CHST9: variants seen among roughly 807,000 people sequenced by gnomAD.
CHST9 encodes carbohydrate sulfotransferase 9.
A neutral mutation model predicts 44.4 loss-of-function variants in CHST9; 41 were observed. That is an observed-to-expected ratio of 0.92 (90% CI 0.72 to 1.20). The LOEUF (loss-of-function observed/expected upper bound fraction) is 1.20, where lower values mean the gene tolerates loss of function less well. Among genes scored for constraint, CHST9 ranks in the 50% most tolerant of loss-of-function variants. CHST9 has a pLI of 0.00. For missense variants in CHST9, 504 were observed against 516.5 expected (o/e 0.98, Z 0.23); for synonymous variants, 171 against 178.4 (o/e 0.96, Z 0.33).
intron 2 of CHST9, among the ~76,000 whole-genome samples, chr18:27,109,283 T>C (rs555956501): frequency 8.5e-4 from 127 of 149,224 alleles, no homozygotes; most frequent in African/African-American, 3.0e-3. Flanking sequence ...CACCAGCACC[T>C]TTTTTTTTTC....
chr18:26,992,613 AT>A (rs2056833593), intron 4 of CHST9, among the ~76,000 whole-genome samples: 1 of 151,968 alleles, frequency 6.6e-6, no homozygotes, highest in East Asian at 1.9e-4. Context: ...TTGCTTTGAA[AT>A]TCTTTCTTTT....
chr18:27,048,415 T>C, intron 3 of CHST9, 50 bp downstream of exon 3: 1 of 1,467,566 alleles, frequency 6.8e-7, no homozygotes, highest in Non-Finnish European at 9.4e-7. Flanking sequence ...AATTTAAAGG[T>C]GGAAATAAAA....
chr18:27,096,631 T>C (rs1382169985), intron 2 of CHST9, among the ~76,000 whole-genome samples: 1 of 151,500 alleles, frequency 6.6e-6, no homozygotes, highest in African/African-American at 2.4e-5. Flanking sequence ...ATACAAAAGA[T>C]CCGTAGAGAG....
At chr18:27,170,750 G>C in intron 1 of CHST9, among the ~76,000 whole-genome samples, 1 of 152,168 alleles carries the variant, frequency 6.6e-6, no homozygotes, top group East Asian at 1.9e-4. Context: ...ACCACTAACT[G>C]TCAAGCATAC....
rs376326847 is a variant in CHST9, at chr18:27,083,075, G to A, written c.122-34572C>T. Among the ~76,000 whole-genome samples the A allele has an allele frequency of 3.3e-4, 50 of 152,210 alleles. No homozygotes were observed. The South Asian group carries it at 0.01, about 31-fold the overall frequency. On this transcript the variant is annotated intron_variant, in intron 2 of 5. Transcript: ENST00000618847. ...ATATAATCCATGTGAAGAGATAGCC[G>A]TAAGGAAAGGTAATACATTTAATCT...
chr18:27,144,259 A>G (rs2058593797), intron 1 of CHST9, among the ~76,000 whole-genome samples: 2 of 152,210 alleles, frequency 1.3e-5, no homozygotes, highest in African/African-American at 4.8e-5. Context: ...ATATTTGAGG[A>G]GAGTCTTTGA....
At chr18:26,993,943 C>A (rs144511034) in intron 4 of CHST9, among the ~76,000 whole-genome samples, 114 of 152,316 alleles carry the variant, frequency 7.5e-4, no homozygotes, top group African/African-American at 2.7e-3. Context: ...CATTCTGGGG[C>A]CTCTCTCCTC....
At chr18:26,950,768 C>T (rs1019326524) in intron 4 of CHST9, among the ~76,000 whole-genome samples, 2 of 152,092 alleles carry the variant, frequency 1.3e-5, no homozygotes, top group African/African-American at 2.4e-5. Flanking sequence ...TATGGGGTAC[C>T]GTGCACACTG....
intron 2 of CHST9, among the ~76,000 whole-genome samples, chr18:27,053,766 C>T (rs2057616934): frequency 6.6e-6 from 1 of 152,152 alleles, no homozygotes; most frequent in Non-Finnish European, 1.5e-5. Flanking sequence ...TACACCTTCA[C>T]CCCAGTTCCC....
intron 4 of CHST9, among the ~76,000 whole-genome samples, chr18:26,990,874 CCTT>C (rs1400825267): frequency 1.3e-5 from 2 of 152,212 alleles, no homozygotes; most frequent in African/African-American, 4.8e-5. Flanking sequence ...TTCCCTTCCT[CCTT>C]CTGCTCTTCA....
chr18:26,921,924 T>A (rs141208907), intron 5 of CHST9, among the ~76,000 whole-genome samples: 4 of 152,362 alleles, frequency 2.6e-5, no homozygotes, highest in African/African-American at 9.6e-5. Context: ...AAATTGGCTA[T>A]TTTACATCTC....
intron 2 of CHST9, among the ~76,000 whole-genome samples, chr18:27,116,369 A>G (rs546756704): frequency 5.9e-5 from 9 of 152,310 alleles, no homozygotes; most frequent in Admixed American, 5.9e-4. Context: ...TTTGTTAAAA[A>G]TACTATTCTT....
chr18:26,955,821 G>A (rs987288340), intron 4 of CHST9, among the ~76,000 whole-genome samples: 2 of 152,074 alleles, frequency 1.3e-5, no homozygotes, highest in Non-Finnish European at 2.9e-5. Flanking sequence ...GGGCCTGAAG[G>A]GTAAAGCAAG....
intron 2 of CHST9, among the ~76,000 whole-genome samples, chr18:27,132,063 A>T (rs2058476491): frequency 6.6e-6 from 1 of 152,138 alleles, no homozygotes; most frequent in South Asian, 2.1e-4. Flanking sequence ...GGGGCCACTT[A>T]CTAAAGGCAT....
intron 2 of CHST9, among the ~76,000 whole-genome samples, chr18:27,129,045 A>G (rs573967660): frequency 1.3e-5 from 2 of 152,342 alleles, no homozygotes; most frequent in African/African-American, 4.8e-5. Flanking sequence ...AAACCCAGGC[A>G]GAATCATGCA....
chr18:26,917,426 T>C, intron 5 of CHST9, 76 bp from the exon 6 acceptor site: 1 of 1,483,492 alleles, frequency 6.7e-7, no homozygotes, highest in Non-Finnish European at 9.0e-7. Flanking sequence ...ACTTCACATA[T>C]TTGTTTTAAA....
chr18:27,036,765 C>T (rs887806942), intron 3 of CHST9, among the ~76,000 whole-genome samples: 1 of 152,130 alleles, frequency 6.6e-6, no homozygotes, highest in Non-Finnish European at 1.5e-5. Context: ...TAGAAAGAGA[C>T]TATTTTTTTT....
In CHST9 at chr18:27,042,301, A is replaced by C. The variant is rs113492904; in HGVS notation, c.160+6164T>G. 2.3e-3 allele frequency among the ~76,000 whole-genome samples: 356 copies of C among 151,886 alleles called. 3 individuals carry two copies. The highest frequency in any genetic ancestry group is 8.3e-3 in the African/African-American group (341 of 41,236). ...CCTTGACCAAGTCACATAGCAGGGCAGTGCAAAATGACCAGGCTTTGCTAT... is the reference window on the plus strand; with the variant it reads ...CCTTGACCAAGTCACATAGCAGGGCCGTGCAAAATGACCAGGCTTTGCTAT... On this transcript the variant is annotated intron_variant, in intron 3 of 5. Transcript: ENST00000618847.
chr18:27,120,289 C>T (rs933902251), intron 2 of CHST9, among the ~76,000 whole-genome samples: 3 of 152,202 alleles, frequency 2.0e-5, no homozygotes, highest in Non-Finnish European at 4.4e-5. Context: ...CACTTATCCT[C>T]TTCTCAGAAT....
Sources: allele counts gnomAD v4.1 joint callset (sites outside exome capture counted in the v4.1 genomes callset), GRCh38; gene constraint gnomAD v4.1.1; transcripts MANE v1.5; gene names NCBI Gene and HGNC (gene_info 2026-07-23, HGNC 2026-07-21).